CCDC171: variants seen among roughly 807,000 people sequenced by gnomAD.
The protein encoded by CCDC171 is coiled-coil domain-containing protein 171.
A neutral mutation model predicts 168.2 loss-of-function variants in CCDC171; 177 were observed. That is an observed-to-expected ratio of 1.05 (90% CI 0.93 to 1.19). CCDC171 has a LOEUF of 1.19. CCDC171 is among the 50% of genes most tolerant of loss of function. The pLI, the probability that CCDC171 is intolerant of heterozygous loss-of-function variation, is 0.00. For synonymous variants in CCDC171, 687 were observed against 540.8 expected (o/e 1.27, Z -3.75); for missense variants, 1,991 against 1,539.0 (o/e 1.29, Z -4.91).
intron 5 of CCDC171, among the ~76,000 whole-genome samples, chr9:15,591,759 G>T (rs2042025732): frequency 6.6e-6 from 1 of 151,846 alleles, no homozygotes; most frequent in African/African-American, 2.4e-5. Context: ...GTGAAAAACG[G>T]TTTGCGGTCG....
intron 7 of CCDC171, among the ~76,000 whole-genome samples, chr9:15,633,983 A>G (rs570424235): frequency 2.1e-3 from 302 of 146,922 alleles, no homozygotes; most frequent in Non-Finnish European, 3.0e-3. Flanking sequence ...ATGAGAACAC[A>G]TGGACACAGG....
chr9:15,822,371 G>C (rs1159362592), intron 21 of CCDC171, among the ~76,000 whole-genome samples: 3 of 151,436 alleles, frequency 2.0e-5, no homozygotes, highest in African/African-American at 7.3e-5. Flanking sequence ...CACAGCAAAA[G>C]AAACTACCAT....
intron 25 of CCDC171, among the ~76,000 whole-genome samples, chr9:15,927,077 T>C (rs978093559): frequency 1.6e-4 from 24 of 151,762 alleles, no homozygotes; most frequent in African/African-American, 5.6e-4. Context: ...TTGTAATGCA[T>C]ATAAAGAGAT....
intron 24 of CCDC171, among the ~76,000 whole-genome samples, chr9:15,914,695 G>GA (rs71325948): frequency 0.037 from 5,602 of 151,370 alleles, 154 homozygotes; most frequent in Middle Eastern, 0.079. Flanking sequence ...AATGGGGTAT[G>GA]AAAAAAAAAC....
In CCDC171 at chr9:15,657,126, G is replaced by T. The variant is rs1025294264; in HGVS notation, c.823-1G>T. The T allele has an allele frequency of 1.9e-6, 3 of 1,565,706 alleles. No individual in the cohort carries two copies. Among genetic ancestry groups the T allele is most frequent in the Non-Finnish European group, 2.6e-6 (3 of 1,151,312 alleles). The stretch of plus-strand genomic sequence containing the variant: ...AATTTAAACTTTTAATTTGTTTTCA[G>T]GCAACTACTCTAAGAGTGAGGAAAT... On this transcript the variant is annotated splice_acceptor_variant, in intron 7 of 25. Coordinates refer to ENST00000380701, the MANE Select transcript of CCDC171 (RefSeq NM_173550.4). LOFTEE classifies it high-confidence loss of function.
chr9:15,588,700 CTTTTTTTT>C (rs71323963), intron 4 of CCDC171: 142 of 124,112 alleles, frequency 1.1e-3, no homozygotes, highest in South Asian at 3.4e-3. Flanking sequence ...AAGATGCAGA[CTTTTTTTT>C]TTTTTTTTTT....
In CCDC171 at chr9:15,744,448, A is replaced by G. The variant is rs976213311; in HGVS notation, c.2225A>G (p.Tyr742Cys). 27 of 1,613,892 alleles carry G rather than the reference A, an allele frequency of 1.7e-5. No homozygotes were observed. Among genetic ancestry groups the G allele is most frequent in the South Asian group, 2.2e-5 (2 of 91,068 alleles). The change falls in exon 17 of 26, where the codon TAT becomes TGT. Residue 742 changes from tyrosine (Y) to cysteine (C), a missense_variant. Transcript: ENST00000380701. ...ALMAGALYPL[Y>C]SRSCALSTQR... ...ATGGCTGGTGCCTTATATCCCCTCTATAGCCGATCATGCGCCTTGTCTACA... is the reference window on the plus strand; with the variant it reads ...ATGGCTGGTGCCTTATATCCCCTCTGTAGCCGATCATGCGCCTTGTCTACA...
intron 3 of CCDC171, among the ~76,000 whole-genome samples, chr9:16,012,338 T>C (rs1023946390): frequency 2.6e-5 from 4 of 152,164 alleles, no homozygotes; most frequent in Non-Finnish European, 5.9e-5. Flanking sequence ...CTACTCCTTA[T>C]GCTGGAAATC....
intron 11 of CCDC171, among the ~76,000 whole-genome samples, chr9:15,710,230 A>G (rs1005177885): frequency 1.3e-5 from 2 of 152,180 alleles, no homozygotes; most frequent in Admixed American, 6.5e-5. Context: ...TTAAATTAGT[A>G]TGCAGAGAAG....
intron 7 of CCDC171, among the ~76,000 whole-genome samples, chr9:15,647,373 C>G (rs1046697000): frequency 6.6e-6 from 1 of 152,098 alleles, no homozygotes; most frequent in African/African-American, 2.4e-5. Flanking sequence ...CATTCAAAAG[C>G]TAGCAGAAGG....
At chr9:15,600,352 A>G (rs1191200383) in intron 6 of CCDC171, among the ~76,000 whole-genome samples, 1 of 152,026 alleles carries the variant, frequency 6.6e-6, no homozygotes. Flanking sequence ...TTTCCTTCTA[A>G]CAGTCAGGAC....
intron 25 of CCDC171, among the ~76,000 whole-genome samples, chr9:15,959,088 T>C (rs1249374160): frequency 6.6e-6 from 1 of 152,136 alleles, no homozygotes; most frequent in African/African-American, 2.4e-5. Flanking sequence ...CTGAGGCCAC[T>C]TACACACACT....
At chr9:15,764,145 G>T (rs2056598784) in intron 18 of CCDC171, among the ~76,000 whole-genome samples, 3 of 152,200 alleles carry the variant, frequency 2.0e-5, no homozygotes, top group African/African-American at 7.2e-5. Flanking sequence ...GAGAAAGGTG[G>T]AAGATGATGT....
At chr9:16,043,438 T>C (rs1833604807) in intron 1 of CCDC171, among the ~76,000 whole-genome samples, 1 of 152,204 alleles carries the variant, frequency 6.6e-6, no homozygotes, top group Non-Finnish European at 1.5e-5. Context: ...AAACAGAATC[T>C]TGGGGATGAG....
At chr9:15,755,070 GT>G (rs2056015215) in intron 18 of CCDC171, among the ~76,000 whole-genome samples, 1 of 152,124 alleles carries the variant, frequency 6.6e-6, no homozygotes, top group South Asian at 2.1e-4. Flanking sequence ...TTTGAAAGAG[GT>G]TTGCCTTCTT....
At chr9:15,659,010 G>C (rs2048131491) in intron 8 of CCDC171, among the ~76,000 whole-genome samples, 1 of 152,186 alleles carries the variant, frequency 6.6e-6, no homozygotes, top group East Asian at 1.9e-4. Context: ...AAGGTTTGCA[G>C]TATGTGTGAA....
chr9:16,009,061 A>G (rs1832785703), intron 3 of CCDC171, among the ~76,000 whole-genome samples: 1 of 151,814 alleles, frequency 6.6e-6, no homozygotes, highest in African/African-American at 2.4e-5. Flanking sequence ...TAAAAATTGT[A>G]TTATTATAAT....
chr9:15,665,629 C>T (rs1405721064), intron 8 of CCDC171, among the ~76,000 whole-genome samples: 1 of 152,006 alleles, frequency 6.6e-6, no homozygotes, highest in African/African-American at 2.4e-5. Context: ...AAAAATAAAA[C>T]AATTAGCTGG....
At chr9:16,015,644 T>G (rs532499954) in intron 3 of CCDC171, among the ~76,000 whole-genome samples, 1 of 152,172 alleles carries the variant, frequency 6.6e-6, no homozygotes, top group African/African-American at 2.4e-5. Flanking sequence ...TAACACAAAA[T>G]TGACCATTTT....
Sources: allele counts gnomAD v4.1 joint callset (sites outside exome capture counted in the v4.1 genomes callset), GRCh38; gene constraint gnomAD v4.1.1; transcripts MANE v1.5; gene names NCBI Gene and HGNC (gene_info 2026-07-23, HGNC 2026-07-21).